The following SETBP1 variants were observed in gnomAD, a reference collection of about 807,000 sequenced individuals.
The protein encoded by SETBP1 is SET binding protein 1.
A neutral mutation model predicts 101.0 loss-of-function variants in SETBP1; 9 were observed. That is an observed-to-expected ratio of 0.09 (90% CI 0.05 to 0.16). The LOEUF is 0.16. Among genes scored for constraint, SETBP1 ranks in the 10% least tolerant of loss-of-function variants. The pLI, the probability that SETBP1 is intolerant of heterozygous loss-of-function variation, is 1.00. For missense variants in SETBP1, 1,858 were observed against 2,033.8 expected (o/e 0.91, Z 1.66); for synonymous variants, 818 against 788.5 (o/e 1.04, Z -0.63).
Position 44,698,283 on chromosome 18 carries a change from A to G in SETBP1, c.-172-2892A>G, listed in dbSNP as rs562182565. The stretch of plus-strand genomic sequence containing the variant: ...ATTCCCTTAATCCAACCCTCACACC[A>G]TGTACCAGAATTATCTTCCTAAAGC... On this transcript the variant is annotated intron_variant, in intron 1 of 5. Coordinates refer to ENST00000649279, the MANE Select transcript of SETBP1 (RefSeq NM_015559.3). 4.6e-5 allele frequency among the ~76,000 whole-genome samples: 7 copies of G among 152,278 alleles called. No individual in the cohort carries two copies. The South Asian group carries it at 1.2e-3, about 27-fold the overall frequency.
intron 4 of SETBP1, among the ~76,000 whole-genome samples, chr18:45,035,892 T>A (rs924665792): frequency 6.6e-6 from 1 of 152,222 alleles, no homozygotes; most frequent in Non-Finnish European, 1.5e-5. Flanking sequence ...ATTATCAGAC[T>A]TTTTAGCAGC....
intron 2 of SETBP1, among the ~76,000 whole-genome samples, chr18:44,810,281 C>G (rs1363993678): frequency 6.6e-6 from 1 of 152,188 alleles, no homozygotes; most frequent in Non-Finnish European, 1.5e-5. Flanking sequence ...CTGGCGCAGG[C>G]CCTCCTTCCT....
intron 2 of SETBP1, among the ~76,000 whole-genome samples, chr18:44,804,737 G>C (rs2071691550): frequency 2.0e-5 from 3 of 152,114 alleles, no homozygotes; most frequent in African/African-American, 7.2e-5. Context: ...GTATTATAAA[G>C]GGATTTGGGG....
At chr18:44,919,500 C>A (rs1183677741) in intron 3 of SETBP1, among the ~76,000 whole-genome samples, 1 of 151,998 alleles carries the variant, frequency 6.6e-6, no homozygotes, top group Non-Finnish European at 1.5e-5. Flanking sequence ...CAGGTGCACA[C>A]CACCACACCC....
At chr18:44,758,115 C>G (rs543241428) in intron 2 of SETBP1, among the ~76,000 whole-genome samples, 1 of 152,110 alleles carries the variant, frequency 6.6e-6, no homozygotes, top group Non-Finnish European at 1.5e-5. Context: ...GTGTAGCGTA[C>G]AGCTCTAATT....
intron 2 of SETBP1, among the ~76,000 whole-genome samples, chr18:44,781,641 A>G (rs1234691371): frequency 6.6e-6 from 1 of 152,178 alleles, no homozygotes; most frequent in Non-Finnish European, 1.5e-5. Context: ...GAATGAAGAA[A>G]TGTGTAATCC....
intron 2 of SETBP1, among the ~76,000 whole-genome samples, chr18:44,805,118 C>T (rs2071699329): frequency 1.3e-5 from 2 of 152,100 alleles, no homozygotes; most frequent in South Asian, 4.1e-4. Flanking sequence ...ACACTTTGTC[C>T]ATACAACTAA....
Position 44,692,463 on chromosome 18 carries a change from A to G in SETBP1, c.-172-8712A>G, listed in dbSNP as rs1177786734. ...TCCATTCTTCTTTTTAAGGAGAAAC[A>G]TGGCTTGAACACTTACTGTTGGACA... On this transcript the variant is annotated intron_variant, in intron 1 of 5. Transcript: ENST00000649279. Among the ~76,000 whole-genome samples the G allele has an allele frequency of 2.6e-5, 4 of 152,352 alleles. No individual in the cohort carries two copies. The East Asian group carries it at 7.7e-4, about 29-fold the overall frequency.
intron 3 of SETBP1, among the ~76,000 whole-genome samples, chr18:44,883,773 T>C (rs188844493): frequency 6.6e-6 from 1 of 151,990 alleles, no homozygotes; most frequent in Non-Finnish European, 1.5e-5. Flanking sequence ...ATTAAGGGAA[T>C]TTTTTTTTCC....
Position 44,949,773 on chromosome 18 carries a change from A to G in SETBP1, c.541-108A>G, listed in dbSNP as rs1411454921. The stretch of plus-strand genomic sequence containing the variant: ...CTGTTCATTTCGGTATTCATTTCCA[A>G]CTTTCAGATCATTGAGACTTTTGAT... On this transcript the variant is annotated intron_variant, in intron 3 of 5. Coordinates refer to ENST00000649279, the MANE Select transcript of SETBP1 (RefSeq NM_015559.3). 7 of 916,262 alleles carry G rather than the reference A, an allele frequency of 7.6e-6. No homozygotes were observed. In the Admixed American group the frequency reaches 1.2e-4, roughly 16 times the overall value. 56.8% of individuals were successfully genotyped at this position (916,262 alleles called of 1,614,324 possible).
chr18:44,901,145 G>C (rs1238875832), intron 3 of SETBP1, among the ~76,000 whole-genome samples: 1 of 152,100 alleles, frequency 6.6e-6, no homozygotes, highest in Admixed American at 6.6e-5. Flanking sequence ...ATTTAGTTTT[G>C]TTGGGGGAAT....
At chr18:44,895,711 GTGGCTCAGAATTTTAGGA>G (rs2069885461) in intron 3 of SETBP1, among the ~76,000 whole-genome samples, 1 of 152,084 alleles carries the variant, frequency 6.6e-6, no homozygotes, top group African/African-American at 2.4e-5. Flanking sequence ...CACTGGACAG[GTGGCTCAGAATTTTAGGA>G]TGACTTATTA....
chr18:44,808,069 C>A (rs1254808727), intron 2 of SETBP1, among the ~76,000 whole-genome samples: 1 of 152,144 alleles, frequency 6.6e-6, no homozygotes, highest in Non-Finnish European at 1.5e-5. Flanking sequence ...GATATCAAAA[C>A]CCCACCAGCA....
chr18:44,740,145 C>T (rs1258378482), intron 2 of SETBP1, among the ~76,000 whole-genome samples: 6 of 152,236 alleles, frequency 3.9e-5, no homozygotes, highest in East Asian at 1.9e-4. Context: ...TATTCTAGAG[C>T]GGGCATTGTG....
chr18:44,949,382 C>G (rs548478783), intron 3 of SETBP1, among the ~76,000 whole-genome samples: 7 of 152,176 alleles, frequency 4.6e-5, no homozygotes, highest in African/African-American at 1.2e-4. Flanking sequence ...GACATACATT[C>G]GAAGAGAAGC....
At chr18:44,921,591 G>A (rs1369145892) in intron 3 of SETBP1, among the ~76,000 whole-genome samples, 1 of 152,194 alleles carries the variant, frequency 6.6e-6, no homozygotes, top group Non-Finnish European at 1.5e-5. Flanking sequence ...CTTTGGAAAT[G>A]CCTCTGCAAT....
chr18:44,841,056 G>C (rs1415841912), intron 2 of SETBP1, among the ~76,000 whole-genome samples: 1 of 152,182 alleles, frequency 6.6e-6, no homozygotes, highest in Non-Finnish European at 1.5e-5. Flanking sequence ...AAACTTAGTA[G>C]CTTAAAACGA....
intron 2 of SETBP1, among the ~76,000 whole-genome samples, chr18:44,814,096 A>G (rs2144844260): frequency 6.6e-6 from 1 of 152,314 alleles, no homozygotes; most frequent in South Asian, 2.1e-4. Flanking sequence ...TCTATAGCTG[A>G]GGCAAGGGCT....
intron 2 of SETBP1, among the ~76,000 whole-genome samples, chr18:44,781,742 A>G (rs994046358): frequency 1.3e-5 from 2 of 152,176 alleles, no homozygotes; most frequent in Non-Finnish European, 2.9e-5. Flanking sequence ...ACAATGCAAA[A>G]AACTGAACTA....
Sources: allele counts gnomAD v4.1 joint callset (sites outside exome capture counted in the v4.1 genomes callset), GRCh38; gene constraint gnomAD v4.1.1; transcripts MANE v1.5; gene names NCBI Gene and HGNC (gene_info 2026-07-23, HGNC 2026-07-21).